Variants in ZNF865 observed in about 807,000 individuals in gnomAD.
ZNF865 encodes zinc finger protein 865.
For missense variants in ZNF865, 1,311 were observed against 1,593.4 expected (o/e 0.82, Z 3.02); for synonymous variants, 763 against 750.8 (o/e 1.02, Z -0.27).
intron 1 of ZNF865, among the ~76,000 whole-genome samples, chr19:55,609,781 C>CTTGGTG (rs780679333): frequency 2.4e-4 from 37 of 152,172 alleles, no homozygotes; most frequent in Admixed American, 9.8e-4. Flanking sequence ...ACTCCTGTCC[C>CTTGGTG]TTGGTGGTGG....
rs1981295620 is a variant in ZNF865 at position 55,615,017 on chromosome 19, G to T, written c.1399G>T (p.Ala467Ser). 8.9e-6 allele frequency: 12 copies of T among 1,342,134 alleles called. No individual in the cohort carries two copies. The highest frequency in any genetic ancestry group is 1.1e-5 in the Non-Finnish European group (12 of 1,051,558). The allele number at this position is 1,342,134 out of a possible 1,614,324, so 83.1% of individuals were successfully genotyped here. Residue 467 changes from alanine to serine, a missense_variant, in exon 2 of 2, where the codon GCT (alanine) becomes TCT (serine). Physicochemically the swap from Ala to Ser is moderately conservative, Grantham distance 99. Transcript: ENST00000568956. ...CCACAAGGCCGCCCACGCCCCGCCC[G>T]CTGCCGCTGCGGAGGCGCCCAAGGA... ...LRHKAAHAPPAAAAEAPKDGA... is the reference protein window; with the variant it reads ...LRHKAAHAPPSAAAEAPKDGA...
Position 55,613,825 on chromosome 19 carries a change from G to A in ZNF865, c.207G>A (p.Pro69=), listed in dbSNP as rs1389072952. 2 of 581,632 alleles carry A rather than the reference G, an allele frequency of 3.4e-6. No individual in the cohort carries two copies. Among genetic ancestry groups the A allele is most frequent in the Non-Finnish European group, 1.9e-6 (1 of 513,546 alleles). The allele number at this position is 581,632 out of a possible 1,614,324, so 36.0% of individuals were successfully genotyped here. Residue 69 remains proline, a synonymous_variant, in exon 2 of 2, where the codon CCG becomes CCA. Coordinates refer to ENST00000568956, the MANE Select transcript of ZNF865 (RefSeq NM_001195605.2). ...PCAPGPPPQP[P]PQPPPPQYDY... is the part of the protein sequence containing the mutation. ...CCCCCGGCCCCCCGCCGCAGCCCCC[G>A]CCGCAGCCCCCTCCCCCGCAGTATG...
chr19:55,615,829 G>T lies in ZNF865; in HGVS notation c.2211G>T (p.Pro737=). 1 of 1,508,044 alleles carries T rather than the reference G, an allele frequency of 6.6e-7. No homozygotes were observed. The highest frequency in any genetic ancestry group is 8.8e-7 in the Non-Finnish European group (1 of 1,134,856). 93.4% of individuals were successfully genotyped at this position (1,508,044 alleles called of 1,614,324 possible). The change falls in exon 2 of 2, where the codon CCG becomes CCT. Residue 737 remains proline (P), a synonymous_variant. Transcript: ENST00000568956. ...LPPAPGGLQP[P]DGSSGTDAAS... ...CCGCACCCGGCGGCCTGCAGCCCCC[G>T]GACGGCTCCAGCGGCACGGATGCGG... is the stretch of plus-strand genomic sequence containing the variant.
At position 55,616,755 on chromosome 19, in the gene ZNF865, G is replaced by A. The variant is rs914251728; in HGVS notation, c.3137G>A (p.Gly1046Glu). The change falls in exon 2 of 2, where the codon GGG becomes GAG. Residue 1046 changes from glycine (G) to glutamate (E), a missense_variant. Gly to Glu is a moderately conservative substitution (Grantham distance 98, BLOSUM62 -2). Coordinates refer to ENST00000568956, the MANE Select transcript of ZNF865 (RefSeq NM_001195605.2). ...RLAHKAENLGGPGAGAGTLAG... is the reference protein window; with the variant it reads ...RLAHKAENLGEPGAGAGTLAG... ...GCGCACAAGGCCGAGAACCTCGGGG[G>A]GCCTGGAGCAGGGGCGGGCACCTTG... is the stretch of plus-strand genomic sequence containing the variant. 2 of 1,470,202 alleles carry A rather than the reference G, an allele frequency of 1.4e-6. No homozygotes were observed. The highest frequency in any genetic ancestry group is 1.8e-6 in the Non-Finnish European group (2 of 1,115,112). The allele number at this position is 1,470,202 out of a possible 1,614,324, so 91.1% of individuals were successfully genotyped here.
rs1404010475 is a variant in ZNF865, at chr19:55,617,162, G to A, written c.*364G>A. ...GGACAGTGGAGTATGAGCAGAGTTG[G>A]GAGGGCACAAGGGAGTGCTGGGTGC... is the stretch of plus-strand genomic sequence containing the variant. On this transcript the variant is annotated 3_prime_UTR_variant, in exon 2 of 2. Transcript: ENST00000568956. 6.2e-6 allele frequency: 1 copy of A among 161,376 alleles called. No homozygotes were observed. Among genetic ancestry groups the A allele is most frequent in the East Asian group, 1.7e-4 (1 of 5,820 alleles). 10.0% of individuals were successfully genotyped at this position (161,376 alleles called of 1,614,324 possible). A position where few individuals can be genotyped will look rare whatever the true frequency, so the allele number is the denominator to read the frequency against.
At position 55,614,108 on chromosome 19, in the gene ZNF865, C is replaced by G; in HGVS notation, c.490C>G (p.Arg164Gly). 7.0e-7 allele frequency: 1 copy of G among 1,435,894 alleles called. No homozygotes were observed. Among genetic ancestry groups the G allele is most frequent in the Non-Finnish European group, 9.1e-7 (1 of 1,103,564 alleles). The allele number at this position is 1,435,894 out of a possible 1,614,324, so 88.9% of individuals were successfully genotyped here. The change falls in exon 2 of 2, where the codon CGA (arginine) becomes GGA (glycine). Residue 164 changes from arginine to glycine, a missense_variant. Transcript: ENST00000568956. The surrounding 1 kb of genome is among the most constrained non-coding windows in gnomAD (Gnocchi z 8.0). Reference sequence around the variant, plus strand: ...CCAGCACTTGTTTGGGAACCTGAAGCGAGGAGGGCCCGCGTCCGGGCCGGG... The same window carrying G: ...CCAGCACTTGTTTGGGAACCTGAAGGGAGGAGGGCCCGCGTCCGGGCCGGG... ...GHQHLFGNLK[R>G]GGPASGPGVT...
In ZNF865 at chr19:55,613,673, G is replaced by C. The variant is rs1381049144; in HGVS notation, c.55G>C (p.Gly19Arg). ...GAGGGGSSGIGGEDGVHFQSY... is the reference protein window; with the variant it reads ...GAGGGGSSGIRGEDGVHFQSY... ...CGGGGGTGGCGGGAGCAGCGGCATC[G>C]GGGGCGAGGACGGGGTGCACTTCCA... The change falls in exon 2 of 2, where the codon GGG becomes CGG. Residue 19 changes from glycine to arginine, a missense_variant. Gly to Arg is a moderately radical substitution (Grantham distance 125). Coordinates refer to ENST00000568956, the MANE Select transcript of ZNF865 (RefSeq NM_001195605.2). The C allele has an allele frequency of 2.0e-6, 3 of 1,530,770 alleles. No homozygotes were observed. The highest frequency in any genetic ancestry group is 4.0e-5 in the Admixed American group (2 of 50,026). The allele number at this position is 1,530,770 out of a possible 1,614,324, so 94.8% of individuals were successfully genotyped here. A position where few individuals can be genotyped will look rare whatever the true frequency, so the allele number is the denominator to read the frequency against.
At chr19:55,613,366 T>A (rs548255423) in intron 1 of ZNF865, among the ~76,000 whole-genome samples, 2 of 151,642 alleles carry the variant, frequency 1.3e-5, no homozygotes, top group African/African-American at 4.9e-5. Context: ...GGGTGGGAGT[T>A]GAGAACACAG....
Position 55,615,069 on chromosome 19 carries a change from C to A in ZNF865, c.1451C>A (p.Pro484Gln). ...GGGGCGGCCTCGGCCCCGCAGCCCC[C>A]GCCCACCTTCCCCCCGGGCCCGTAC... Reference protein sequence around the residue: ...KDGAASAPQPPPTFPPGPYLL... With the variant: ...KDGAASAPQPQPTFPPGPYLL... Residue 484 changes from proline to glutamine, a missense_variant, in exon 2 of 2, where the codon CCG becomes CAG. Pro to Gln is a moderately conservative substitution (Grantham distance 76, BLOSUM62 -1). Transcript: ENST00000568956. 8.2e-7 allele frequency: 1 copy of A among 1,220,022 alleles called. No homozygotes were observed. The highest frequency in any genetic ancestry group is 2.5e-5 in the South Asian group (1 of 39,598). 75.6% of individuals were successfully genotyped at this position (1,220,022 alleles called of 1,614,324 possible).
In ZNF865 at chr19:55,616,794, C is replaced by T. The variant is rs1451429747; in HGVS notation, c.3176C>T (p.Ala1059Val). 1 of 1,442,318 alleles carries T rather than the reference C, an allele frequency of 6.9e-7. No homozygotes were observed. The highest frequency in any genetic ancestry group is 9.1e-7 in the Non-Finnish European group (1 of 1,103,038). The allele number at this position is 1,442,318 out of a possible 1,614,324, so 89.3% of individuals were successfully genotyped here. A position where few individuals can be genotyped will look rare whatever the true frequency, so the allele number is the denominator to read the frequency against. The change falls in exon 2 of 2, where the codon GCC becomes GTC. Residue 1059 changes from alanine (A) to valine (V), a missense_variant. Ala to Val is a moderately conservative substitution (Grantham distance 64). Transcript: ENST00000568956. ...AGAGTLAGKD[A>V] ...GCGGGCACCTTGGCCGGGAAGGATG[C>T]CTGACCGAGGGGTTCCCATCCCACT... is the stretch of plus-strand genomic sequence containing the variant.
chr19:55,606,305 C>A (rs1219032509), intron 1 of ZNF865, among the ~76,000 whole-genome samples: 3 of 152,068 alleles, frequency 2.0e-5, no homozygotes, highest in Non-Finnish European at 4.4e-5. Context: ...TGCCTTTTTC[C>A]CTTCTGCAGG....
intron 1 of ZNF865, among the ~76,000 whole-genome samples, chr19:55,608,670 A>G (rs1226835074): frequency 6.6e-6 from 1 of 152,124 alleles, no homozygotes; most frequent in Non-Finnish European, 1.5e-5. Context: ...CCGAGGATAG[A>G]CATGCTTTGG....
chr19:55,614,094 T>C lies in ZNF865; in HGVS notation c.476T>C (p.Phe159Ser). The C allele has an allele frequency of 7.0e-7, 1 of 1,437,768 alleles. No individual in the cohort carries two copies. Among genetic ancestry groups the C allele is most frequent in the Non-Finnish European group, 9.1e-7 (1 of 1,103,646 alleles). The allele number at this position is 1,437,768 out of a possible 1,614,324, so 89.1% of individuals were successfully genotyped here. ...GACCTCTCGGGGCACCAGCACTTGTTTGGGAACCTGAAGCGAGGAGGGCCC... is the reference window on the plus strand; with the variant it reads ...GACCTCTCGGGGCACCAGCACTTGTCTGGGAACCTGAAGCGAGGAGGGCCC... ...IVDLSGHQHLFGNLKRGGPAS... is the reference protein window; with the variant it reads ...IVDLSGHQHLSGNLKRGGPAS... The change falls in exon 2 of 2, where the codon TTT becomes TCT. Residue 159 changes from phenylalanine to serine, a missense_variant. Phe to Ser is a radical substitution (Grantham distance 155). Coordinates refer to ENST00000568956, the MANE Select transcript of ZNF865 (RefSeq NM_001195605.2). This position sits in a 1 kb window ranked among gnomAD's most constrained non-coding sequence, Gnocchi z 8.0.
At chr19:55,606,084 C>T (rs1176765469) in intron 1 of ZNF865, among the ~76,000 whole-genome samples, 1 of 152,138 alleles carries the variant, frequency 6.6e-6, no homozygotes, top group African/African-American at 2.4e-5. Context: ...CATTGCCCCT[C>T]CCCATGTAGG....
chr19:55,613,779 C>T lies in ZNF865; in HGVS notation c.161C>T (p.Ala54Val). Residue 54 changes from alanine (A) to valine (V), a missense_variant, in exon 2 of 2, where the codon GCG (alanine) becomes GTG (valine). Coordinates refer to ENST00000568956, the MANE Select transcript of ZNF865 (RefSeq NM_001195605.2). ...PMELYGEHAK[A>V]VAALPCAPGP... The stretch of plus-strand genomic sequence containing the variant: ...GAACTGTATGGGGAACACGCCAAGG[C>T]GGTGGCGGCCCTGCCCTGCGCCCCC... 6.5e-7 allele frequency: 1 copy of T among 1,533,534 alleles called. No homozygotes were observed. The highest frequency in any genetic ancestry group is 8.7e-7 in the Non-Finnish European group (1 of 1,145,646). 95.0% of individuals were successfully genotyped at this position (1,533,534 alleles called of 1,614,324 possible). A position where few individuals can be genotyped will look rare whatever the true frequency, so the allele number is the denominator to read the frequency against.
chr19:55,608,475 C>T (rs1026533506), intron 1 of ZNF865, among the ~76,000 whole-genome samples: 1 of 152,096 alleles, frequency 6.6e-6, no homozygotes, highest in Non-Finnish European at 1.5e-5. Flanking sequence ...CCACCACGCC[C>T]AGCTAATTTT....
chr19:55,610,744 A>G (rs918814003), intron 1 of ZNF865, among the ~76,000 whole-genome samples: 1 of 152,258 alleles, frequency 6.6e-6, no homozygotes, highest in African/African-American at 2.4e-5. Context: ...GGGGCCAAAC[A>G]GTAAACACAC....
intron 1 of ZNF865, among the ~76,000 whole-genome samples, chr19:55,610,939 A>T (rs1051827330): frequency 1.3e-5 from 2 of 152,170 alleles, no homozygotes; most frequent in Non-Finnish European, 2.9e-5. Flanking sequence ...ACCCTCTCCC[A>T]CCAGGCCCCT....
At position 55,614,591 on chromosome 19, in the gene ZNF865, C is replaced by G. The variant is rs919450079; in HGVS notation, c.973C>G (p.Pro325Ala). The G allele has an allele frequency of 4.0e-6, 6 of 1,518,794 alleles. No individual in the cohort carries two copies. Among genetic ancestry groups the G allele is most frequent in the African/African-American group, 2.8e-5 (2 of 71,638 alleles). 94.1% of individuals were successfully genotyped at this position (1,518,794 alleles called of 1,614,324 possible). Residue 325 changes from proline to alanine, a missense_variant, in exon 2 of 2, where the codon CCC becomes GCC. Transcript: ENST00000568956. This position sits in a 1 kb window ranked among gnomAD's most constrained non-coding sequence, Gnocchi z 8.0. ...GPPATPVAPAPSADGSAAPAG... is the reference protein window; with the variant it reads ...GPPATPVAPAASADGSAAPAG... ...TCCAGCCACGCCCGTGGCGCCTGCCCCCTCCGCAGACGGGAGCGCCGCCCC... is the reference window on the plus strand; with the variant it reads ...TCCAGCCACGCCCGTGGCGCCTGCCGCCTCCGCAGACGGGAGCGCCGCCCC...
Sources: allele counts gnomAD v4.1 joint callset (sites outside exome capture counted in the v4.1 genomes callset), GRCh38; gene constraint gnomAD v4.1.1; non-coding constraint Gnocchi (gnomAD v3.1); transcripts MANE v1.5; gene names NCBI Gene and HGNC (gene_info 2026-07-23, HGNC 2026-07-21).